The following SLC44A1 variants were observed in gnomAD, a reference collection of about 807,000 sequenced individuals.
SLC44A1 encodes the protein choline transporter-like protein 1.
SLC44A1 carries 26 observed loss-of-function variants against 79.3 expected under a neutral mutation model. The observed-to-expected ratio is 0.33, with a 90% CI of 0.24 to 0.46. SLC44A1 has a LOEUF of 0.46. Among genes scored for constraint, SLC44A1 ranks in the 20% least tolerant of loss-of-function variants. The pLI, the probability that SLC44A1 is intolerant of heterozygous loss-of-function variation, is 1.00. For missense variants in SLC44A1, 688 were observed against 798.1 expected (o/e 0.86, Z 1.66); for synonymous variants, 263 against 286.2 (o/e 0.92, Z 0.82).
intron 13 of SLC44A1, among the ~76,000 whole-genome samples, chr9:105,375,246 G>A (rs1464769024): frequency 2.0e-5 from 3 of 152,194 alleles, no homozygotes; most frequent in African/African-American, 7.2e-5. Flanking sequence ...CCCCATGTCG[G>A]CCAGGCTGGT....
At chr9:105,361,434 T>C in intron 8 of SLC44A1, 104 bp downstream of exon 8, 1 of 1,067,148 alleles carries the variant, frequency 9.4e-7, no homozygotes, top group Non-Finnish European at 1.4e-6. Flanking sequence ...CTAACCCTGA[T>C]CTCCAGTAGA....
intron 1 of SLC44A1, among the ~76,000 whole-genome samples, chr9:105,290,396 T>A (rs933790777): frequency 2.6e-5 from 4 of 152,076 alleles, no homozygotes; most frequent in Non-Finnish European, 5.9e-5. Flanking sequence ...AACTATAATT[T>A]AAAAAAATTA....
intron 1 of SLC44A1, among the ~76,000 whole-genome samples, chr9:105,282,570 A>T (rs1289122969): frequency 6.6e-6 from 1 of 150,894 alleles, no homozygotes; most frequent in Non-Finnish European, 1.5e-5. Context: ...TTTTTTTGAG[A>T]TGGAGTCTTG....
chr9:105,402,975 C>CCT (rs1828977028), intron 15 of SLC44A1, among the ~76,000 whole-genome samples: 1 of 66,378 alleles, frequency 1.5e-5, no homozygotes, highest in Non-Finnish European at 2.6e-5. Context: ...TCACACCCAG[C>CCT]TTTTTTTTTT....
In SLC44A1 at chr9:105,268,363, A is replaced by G. The variant is rs553001538; in HGVS notation, c.36+23459A>G. Among the ~76,000 whole-genome samples, 46 of 152,208 alleles carry G rather than the reference A, an allele frequency of 3.0e-4. 1 individual carries two copies. In the South Asian group the frequency reaches 9.5e-3, roughly 32 times the overall value. ...CAATTTATTCTCCCACCTGCTTCGT[A>G]GTTCCAAATGTTTTAAATCCCTCTA... On this transcript the variant is annotated intron_variant, in intron 1 of 15. Transcript: ENST00000374720.
At chr9:105,421,026 G>C (rs79354323) in intron 15 of SLC44A1, among the ~76,000 whole-genome samples, 3,798 of 152,170 alleles carry the variant, frequency 0.025, 138 homozygotes, top group African/African-American at 0.086. Flanking sequence ...GTTGAATAAA[G>C]TAACAAATAT....
intron 12 of SLC44A1, among the ~76,000 whole-genome samples, chr9:105,370,211 T>C (rs1433016330): frequency 6.6e-6 from 1 of 152,206 alleles, no homozygotes; most frequent in Non-Finnish European, 1.5e-5. Context: ...TAAGCAAGAA[T>C]TATTTTAGAC....
At position 105,394,374 on chromosome 9, in the gene SLC44A1, T is replaced by G. The variant is rs1021684050; in HGVS notation, c.*5318T>G. On this transcript the variant is annotated 3_prime_UTR_variant, in exon 16 of 16. Transcript: ENST00000374720. Reference sequence around the variant, plus strand: ...ATAACAAGATGATCAACACTGAATCTTCATGACAGTAAGATTTTCTTTCCT... The same window carrying G: ...ATAACAAGATGATCAACACTGAATCGTCATGACAGTAAGATTTTCTTTCCT... 5.1e-6 allele frequency: 5 copies of G among 985,258 alleles called. No individual in the cohort carries two copies. The highest frequency in any genetic ancestry group is 6.0e-6 in the Non-Finnish European group (5 of 830,028). The allele number at this position is 985,258 out of a possible 1,614,324, so 61.0% of individuals were successfully genotyped here. A position where few individuals can be genotyped will look rare whatever the true frequency, so the allele number is the denominator to read the frequency against.
intron 15 of SLC44A1, among the ~76,000 whole-genome samples, chr9:105,410,873 A>G (rs1314430513): frequency 6.6e-6 from 1 of 152,238 alleles, no homozygotes; most frequent in African/African-American, 2.4e-5. Context: ...TGAGGTACTC[A>G]TACATGCAAC....
chr9:105,374,587 C>T lies in SLC44A1; in HGVS notation c.1495-11C>T. 1 of 1,597,792 alleles carries T rather than the reference C, an allele frequency of 6.3e-7. No homozygotes were observed. Among genetic ancestry groups the T allele is most frequent in the Non-Finnish European group, 8.5e-7 (1 of 1,173,420 alleles). ...ATTGTTGACGAAAATGTTGTTTTTG[C>T]TTTTGTCCAGAATGCATACACAGCC... On this transcript the variant is annotated splice_polypyrimidine_tract_variant and intron_variant, in intron 12 of 15. Transcript: ENST00000374720.
chr9:105,417,191 C>T (rs552721223), intron 15 of SLC44A1, among the ~76,000 whole-genome samples: 103 of 152,314 alleles, frequency 6.8e-4, no homozygotes, highest in Non-Finnish European at 1.0e-3. Flanking sequence ...TGGGGCCAAA[C>T]ACTGAGCACT....
chr9:105,391,899 A>G lies in SLC44A1; in HGVS notation c.*2843A>G, dbSNP rs1828769872. ...CAGGACTCATATTTCTAGAGTTTTA[A>G]TTGGGGTCCTCTATTGTCAATTGTA... is the stretch of plus-strand genomic sequence containing the variant. On this transcript the variant is annotated 3_prime_UTR_variant, in exon 16 of 16. Transcript: ENST00000374720. 1 of 985,232 alleles carries G rather than the reference A, an allele frequency of 1.0e-6. No homozygotes were observed. Among genetic ancestry groups the G allele is most frequent in the Admixed American group, 6.2e-5 (1 of 16,246 alleles). 61.0% of individuals were successfully genotyped at this position (985,232 alleles called of 1,614,324 possible).
chr9:105,357,661 G>A (rs1827660784), intron 6 of SLC44A1, among the ~76,000 whole-genome samples: 1 of 152,130 alleles, frequency 6.6e-6, no homozygotes, highest in African/African-American at 2.4e-5. Context: ...TTAGCTTGGG[G>A]CAGGTAGAAG....
chr9:105,379,264 G>C (rs1329191851), intron 13 of SLC44A1, among the ~76,000 whole-genome samples: 1 of 152,138 alleles, frequency 6.6e-6, no homozygotes, highest in African/African-American at 2.4e-5. Context: ...GACAGAGCAA[G>C]ACTCTCAAAA....
intron 15 of SLC44A1, among the ~76,000 whole-genome samples, chr9:105,418,204 C>T (rs1198732065): frequency 6.6e-6 from 1 of 151,292 alleles, no homozygotes; most frequent in African/African-American, 2.4e-5. Context: ...ATCCCAGCTA[C>T]TCTGGAGGCT....
chr9:105,404,080 C>T (rs557926526), intron 15 of SLC44A1, among the ~76,000 whole-genome samples: 86 of 151,700 alleles, frequency 5.7e-4, no homozygotes, highest in African/African-American at 2.0e-3. Context: ...GTAAATATAC[C>T]ATGTGATTCA....
At chr9:105,422,281 CTTTTTTT>C (rs554922812) in intron 15 of SLC44A1, among the ~76,000 whole-genome samples, 3 of 95,908 alleles carry the variant, frequency 3.1e-5, no homozygotes, top group African/African-American at 4.5e-5. Flanking sequence ...CTGCTCCATC[CTTTTTTT>C]TTTTTTTTTT....
intron 1 of SLC44A1, among the ~76,000 whole-genome samples, chr9:105,251,922 C>T (rs1307617376): frequency 6.6e-6 from 1 of 152,202 alleles, no homozygotes; most frequent in African/African-American, 2.4e-5. Flanking sequence ...ATATTAATGT[C>T]TAGACTAGGT....
chr9:105,355,508 A>T (rs1031273528), intron 5 of SLC44A1, among the ~76,000 whole-genome samples: 10 of 152,218 alleles, frequency 6.6e-5, no homozygotes, highest in Admixed American at 1.3e-4. Context: ...TGTTCTCATG[A>T]TTATGTGTAA....
Sources: allele counts gnomAD v4.1 joint callset (sites outside exome capture counted in the v4.1 genomes callset), GRCh38; gene constraint gnomAD v4.1.1; transcripts MANE v1.5; gene names NCBI Gene and HGNC (gene_info 2026-07-23, HGNC 2026-07-21).